The following GNS variants were observed in gnomAD, a reference collection of about 807,000 sequenced individuals.
GNS encodes the protein glucosamine (N-acetyl)-6-sulfatase, also known as N-acetylglucosamine-6-sulfatase.
GNS carries 40 observed loss-of-function variants against 69.7 expected under a neutral mutation model. The ratio of observed to expected loss-of-function variants is 0.57; its 90% CI spans 0.45 to 0.75. GNS has a LOEUF of 0.75. Ranked by LOEUF, GNS falls within the 30% of genes least tolerant of loss-of-function variation. The probability of loss-of-function intolerance (pLI) is 0.00; values close to 1 mark genes in which losing one functional copy is unlikely to be tolerated. For missense variants in GNS, 565 were observed against 685.5 expected (o/e 0.82, Z 1.96); for synonymous variants, 243 against 251.6 (o/e 0.97, Z 0.32).
intron 7 of GNS, 65 bp from the exon 8 acceptor site, chr12:64,739,564 C>CACA: frequency 3.4e-6 from 1 of 296,704 alleles, no homozygotes; most frequent in Non-Finnish European, 5.8e-6. Context: ...ACTATCTTGC[C>CACA]AAAAAAAAAA....
At chr12:64,736,694 G>A (rs568559581) in intron 9 of GNS, among the ~76,000 whole-genome samples, 20 of 152,238 alleles carry the variant, frequency 1.3e-4, no homozygotes, top group Non-Finnish European at 2.5e-4. Flanking sequence ...CTTCAGTTTC[G>A]GAGGGCAATT....
intron 1 of GNS, 196 bp from the exon 2 acceptor site, chr12:64,752,953 A>T: frequency 1.7e-6 from 1 of 593,084 alleles, no homozygotes; most frequent in Non-Finnish European, 3.0e-6. Context: ...ATAAAAGTGC[A>T]GGAAGTCAAA....
chr12:64,729,278 G>A (rs1045712014), intron 9 of GNS: 16 of 524,792 alleles, frequency 3.0e-5, no homozygotes, highest in Non-Finnish European at 5.1e-5. Flanking sequence ...ATATCCCCCT[G>A]GCAAGTTACA....
chr12:64,719,174 C>T (rs1868949298), intron 13 of GNS, among the ~76,000 whole-genome samples: 1 of 152,170 alleles, frequency 6.6e-6, no homozygotes, highest in Admixed American at 6.5e-5. Flanking sequence ...TCGAGTTTTT[C>T]TACTCATTCA....
intron 10 of GNS, among the ~76,000 whole-genome samples, chr12:64,727,702 G>A (rs1473396124): frequency 6.6e-6 from 1 of 152,044 alleles, no homozygotes; most frequent in Non-Finnish European, 1.5e-5. Context: ...CTATACAGAC[G>A]TAAAGAAGAT....
chr12:64,745,206 T>A (rs1869862338), intron 4 of GNS, among the ~76,000 whole-genome samples: 1 of 1,160 alleles, frequency 8.6e-4, no homozygotes, highest in Non-Finnish European at 1.8e-3. Context: ...TCAATAGACT[T>A]TTTTTTTTTT....
chr12:64,759,036 G>C, intron 1 of GNS, 49 bp downstream of exon 1: 1 of 1,414,454 alleles, frequency 7.1e-7, no homozygotes, highest in Non-Finnish European at 9.8e-7. Context: ...CAACAAACCG[G>C]GTAGTCAGCC....
At chr12:64,745,800 A>G in intron 3 of GNS, 76 bp from the exon 4 acceptor site, 1 of 944,380 alleles carries the variant, frequency 1.1e-6, no homozygotes, top group Non-Finnish European at 1.7e-6. Context: ...GAAATTTTAC[A>G]ATCTTTTTAG....
intron 2 of GNS, among the ~76,000 whole-genome samples, chr12:64,752,457 T>C (rs1362545804): frequency 6.6e-6 from 1 of 152,188 alleles, no homozygotes; most frequent in Non-Finnish European, 1.5e-5. Flanking sequence ...AAACCTCAAA[T>C]GGTAAGGTTT....
chr12:64,738,728 G>C (rs571581334), intron 8 of GNS, among the ~76,000 whole-genome samples: 36 of 152,184 alleles, frequency 2.4e-4, no homozygotes, highest in African/African-American at 8.4e-4. Context: ...CAGGAGAATT[G>C]CTTGAATCTG....
chr12:64,731,819 C>T (rs1485426552), intron 9 of GNS, among the ~76,000 whole-genome samples: 1 of 152,058 alleles, frequency 6.6e-6, no homozygotes, highest in Non-Finnish European at 1.5e-5. Flanking sequence ...GCTGGTAATC[C>T]CAGCACTTTG....
At chr12:64,727,438 AAAAC>A (rs1423403282) in intron 10 of GNS, among the ~76,000 whole-genome samples, 1 of 152,168 alleles carries the variant, frequency 6.6e-6, no homozygotes, top group East Asian at 1.9e-4. Flanking sequence ...CCCCATCTCA[AAAAC>A]AAACAAAACC....
chr12:64,738,243 C>G (rs951713014), intron 8 of GNS, among the ~76,000 whole-genome samples: 1 of 152,150 alleles, frequency 6.6e-6, no homozygotes, highest in African/African-American at 2.4e-5. Context: ...CTCCTGGCCT[C>G]AGGTGATCCA....
chr12:64,759,015 G>A, intron 1 of GNS, 70 bp downstream of exon 1: 5 of 1,302,848 alleles, frequency 3.8e-6, no homozygotes, highest in East Asian at 2.5e-5. Flanking sequence ...GGTGGGGACC[G>A]GGAAAGAGAG....
In GNS at chr12:64,715,898, C is replaced by T. The variant is rs1868844509; in HGVS notation, c.*843G>A. The T allele has an allele frequency of 6.6e-6, 1 of 152,322 alleles. No homozygotes were observed. The highest frequency in any genetic ancestry group is 2.4e-5 in the African/African-American group (1 of 41,458). The allele number at this position is 152,322 out of a possible 1,614,324, so 9.4% of individuals were successfully genotyped here. On this transcript the variant is annotated 3_prime_UTR_variant, in exon 14 of 14. Transcript: ENST00000258145. Reference sequence around the variant, plus strand: ...CAACCTTCACCAACTCTTGGCAGTTCTTCACTGCTGATGTTCCTAAGCCAC... The same window carrying T: ...CAACCTTCACCAACTCTTGGCAGTTTTTCACTGCTGATGTTCCTAAGCCAC...
chr12:64,750,587 T>C (rs1005633874), intron 2 of GNS, among the ~76,000 whole-genome samples: 1 of 152,194 alleles, frequency 6.6e-6, no homozygotes, highest in Non-Finnish European at 1.5e-5. Flanking sequence ...GGATTACAAC[T>C]AGAATAAACA....
chr12:64,721,240 G>A (rs1213554478), intron 12 of GNS, among the ~76,000 whole-genome samples: 1 of 152,160 alleles, frequency 6.6e-6, no homozygotes, highest in Non-Finnish European at 1.5e-5. Context: ...ATGCTGTGGT[G>A]GGAACAGGAG....
chr12:64,748,010 ACT>A, intron 2 of GNS, 92 bp from the exon 3 acceptor site: 1 of 768,328 alleles, frequency 1.3e-6, no homozygotes. Flanking sequence ...GCTCCTTAAT[ACT>A]CTAACTTCAA....
chr12:64,742,398 T>A (rs1374240273), intron 6 of GNS, among the ~76,000 whole-genome samples: 3 of 152,230 alleles, frequency 2.0e-5, no homozygotes, highest in Admixed American at 1.3e-4. Flanking sequence ...TGCCAGACAA[T>A]ATGCTAATTG....
Sources: gnomAD v4.1 joint callset for allele counts (sites outside exome capture counted in the v4.1 genomes callset) on GRCh38, gnomAD v4.1.1 for gene constraint, MANE v1.5 for transcripts, NCBI Gene and HGNC (gene_info 2026-07-23, HGNC 2026-07-21) for gene names.